Variants in REXO1 observed in about 807,000 individuals in gnomAD.
REXO1 encodes the protein RNA exonuclease 1 homolog, also known as REX1, RNA exonuclease 1 homolog.
Under a neutral mutation model 102.6 loss-of-function variants are expected in REXO1, and 42 were observed. The observed-to-expected ratio is 0.41, with a 90% confidence interval of 0.32 to 0.53. The LOEUF is 0.53. Among genes scored for constraint, REXO1 ranks in the 20% least tolerant of loss-of-function variants. The probability of loss-of-function intolerance (pLI) is 0.27; values close to 1 mark genes in which losing one functional copy is unlikely to be tolerated. For missense variants in REXO1, 1,819 were observed against 1,732.5 expected (o/e 1.05, Z -0.89); for synonymous variants, 908 against 779.1 (o/e 1.17, Z -2.76).
chr19:1,820,217 C>T (rs1431633820), intron 6 of REXO1, 47 bp downstream of exon 6: 1 of 1,589,790 alleles, frequency 6.3e-7, no homozygotes, highest in African/African-American at 1.4e-5. Flanking sequence ...CCACCCTGGA[C>T]CCCTAGTCCC....
rs2069777575 is a variant in REXO1, at chr19:1,827,662, G to A, written c.1127C>T (p.Pro376Leu). ...QDGGCPKEGK[P>L]KKKKTGAPPA... ...TGGGGCCCCGGTTTTTTTCTTCTTG[G>A]GTTTTCCCTCCTTGGGGCAGCCCCC... The change falls in exon 2 of 16, where the codon CCC becomes CTC. Residue 376 changes from proline (P) to leucine (L), a missense_variant. Pro to Leu is a moderately conservative substitution (Grantham distance 98, BLOSUM62 -3). Coordinates refer to ENST00000170168, the MANE Select transcript of REXO1 (RefSeq NM_020695.4). The A allele has an allele frequency of 3.2e-6, 5 of 1,567,998 alleles. No homozygotes were observed. The Admixed American group carries it at 8.5e-5, about 27-fold the overall frequency.
In REXO1 at chr19:1,818,791, G is replaced by C; in HGVS notation, c.2817C>G (p.Leu939=). 6.2e-7 allele frequency: 1 copy of C among 1,609,874 alleles called. No homozygotes were observed. The highest frequency in any genetic ancestry group is 8.5e-7 in the Non-Finnish European group (1 of 1,179,886). ...GCGGGAAGGGGTAGCCGTTCTCCTT[G>C]AGCTGGTCCTGGGTGAGCAGGTACT... ...LREYLLTQDQ[L]KENGYPFPHP... is the part of the protein sequence containing the mutation. Residue 939 remains leucine (L), a synonymous_variant, in exon 9 of 16, where the codon CTC becomes CTG. Transcript: ENST00000170168.
chr19:1,842,598 C>T (rs1033924510), intron 1 of REXO1, among the ~76,000 whole-genome samples: 2 of 152,250 alleles, frequency 1.3e-5, no homozygotes, highest in Non-Finnish European at 2.9e-5. Flanking sequence ...GCTGCCCAGG[C>T]GCTCCGGAAG....
chr19:1,833,628 C>A (rs148646997), intron 1 of REXO1, among the ~76,000 whole-genome samples: 1 of 152,150 alleles, frequency 6.6e-6, no homozygotes, highest in Admixed American at 6.5e-5. Context: ...GGGAGGGCTG[C>A]GGAGGCCAGC....
At chr19:1,829,965 T>TC (rs924912833) in intron 1 of REXO1, among the ~76,000 whole-genome samples, 1 of 152,136 alleles carries the variant, frequency 6.6e-6, no homozygotes, top group African/African-American at 2.4e-5. Flanking sequence ...TGAAATGTCT[T>TC]CCCGGGGGGC....
In REXO1 at chr19:1,818,726, T is replaced by C. The variant is rs760362854; in HGVS notation, c.2882A>G (p.Glu961Gly). 1 of 1,611,142 alleles carries C rather than the reference T, an allele frequency of 6.2e-7. No individual in the cohort carries two copies. Among genetic ancestry groups the C allele is most frequent in the Non-Finnish European group, 8.5e-7 (1 of 1,179,878 alleles). Residue 961 changes from glutamate (E) to glycine (G), a missense_variant, in exon 9 of 16, where the codon GAG becomes GGG. Physicochemically the swap from Glu to Gly is moderately conservative, Grantham distance 98. Coordinates refer to ENST00000170168, the MANE Select transcript of REXO1 (RefSeq NM_020695.4). ...CTCACAGTCCTTGGGCCTCTTCTCC[T>C]CAGCTGTGAAGATGATTGCGCCCCC... ...RPGGAIIFTA[E>G]EKRPKDSSCR...
At chr19:1,821,761 C>T (rs747189987) in intron 4 of REXO1, 79 bp from the exon 5 acceptor site, 31 of 1,361,136 alleles carry the variant, frequency 2.3e-5, no homozygotes, top group South Asian at 1.3e-4. Context: ...CAGCCGCGGC[C>T]GCTCAGCGCC....
At chr19:1,816,960 G>A (rs2069384770) in intron 12 of REXO1, 147 bp from the exon 13 acceptor site, 4 of 725,704 alleles carry the variant, frequency 5.5e-6, no homozygotes, top group Admixed American at 2.5e-5. Context: ...CGAGTGGGGT[G>A]TGACCTCAGT....
Position 1,823,583 on chromosome 19 carries a change from CG to C in REXO1, c.2218del (p.Arg740AlafsTer31). The C allele has an allele frequency of 3.0e-6, 4 of 1,313,056 alleles. No individual in the cohort carries two copies. The highest frequency in any genetic ancestry group is 2.4e-5 in the South Asian group (1 of 40,990). 81.3% of individuals were successfully genotyped at this position (1,313,056 alleles called of 1,614,324 possible). A position where few individuals can be genotyped will look rare whatever the true frequency, so the allele number is the denominator to read the frequency against. On this transcript the variant is annotated frameshift_variant, in exon 4 of 16. Transcript: ENST00000170168. LOFTEE classifies it high-confidence loss of function. ...KRRIAHIPNP[R>X]LAAAPTGAKR... Reference sequence around the variant, plus strand: ...GGGCCAGGACTCACCTGCAGCCAGGCGGGGGTTGGGGATGTGGGCGATCCTC... The same window carrying C: ...GGGCCAGGACTCACCTGCAGCCAGGCGGGGTTGGGGATGTGGGCGATCCTC...
At chr19:1,823,445 G>C (rs1171107945) in intron 4 of REXO1, 127 bp downstream of exon 4, 1 of 605,388 alleles carries the variant, frequency 1.7e-6, no homozygotes, top group African/African-American at 1.9e-5. Flanking sequence ...GCCCCAGGGA[G>C]GGGGCCCAAA....
At chr19:1,837,835 G>C (rs2070085243) in intron 1 of REXO1, among the ~76,000 whole-genome samples, 1 of 152,232 alleles carries the variant, frequency 6.6e-6, no homozygotes, top group Non-Finnish European at 1.5e-5. Context: ...AAAAGAAAAA[G>C]GTCCCGGCCT....
rs1236044985 is a variant in REXO1, at chr19:1,815,969, G to A, written c.*97C>T. 5 of 1,535,532 alleles carry A rather than the reference G, an allele frequency of 3.3e-6. No individual in the cohort carries two copies. The highest frequency in any genetic ancestry group is 1.2e-5 in the South Asian group (1 of 84,022). ...CTGCTCTGGGCTGCCTCGGCCAGGTGGACGGGTTACCGGAGATTTATTGCA... is the reference window on the plus strand; with the variant it reads ...CTGCTCTGGGCTGCCTCGGCCAGGTAGACGGGTTACCGGAGATTTATTGCA... On this transcript the variant is annotated 3_prime_UTR_variant, in exon 16 of 16. Transcript: ENST00000170168. This position sits in a 1 kb window ranked among gnomAD's most constrained non-coding sequence, Gnocchi z 4.0.
At chr19:1,821,229 C>T (rs571500523) in intron 5 of REXO1, among the ~76,000 whole-genome samples, 1 of 151,992 alleles carries the variant, frequency 6.6e-6, no homozygotes, top group South Asian at 2.1e-4. Flanking sequence ...CCTGTAGTCC[C>T]AGCTACTCAG....
chr19:1,845,020 C>T (rs180846454), intron 1 of REXO1, among the ~76,000 whole-genome samples: 1 of 152,290 alleles, frequency 6.6e-6, no homozygotes, highest in Non-Finnish European at 1.5e-5. Flanking sequence ...AAGACAGTGT[C>T]CTGCCTCTCA....
chr19:1,833,321 C>T (rs1046946483), intron 1 of REXO1, among the ~76,000 whole-genome samples: 17 of 152,206 alleles, frequency 1.1e-4, no homozygotes, highest in Non-Finnish European at 2.5e-4. Flanking sequence ...TGGAGGGCCA[C>T]GAGGTACGGG....
chr19:1,818,874 C>A, intron 8 of REXO1, 31 bp from the exon 9 acceptor site: 1 of 1,606,210 alleles, frequency 6.2e-7, no homozygotes, highest in Non-Finnish European at 8.5e-7. Context: ...CAGCCCCTGC[C>A]TGGGATGGCC....
Position 1,828,591 on chromosome 19 carries a change from G to C in REXO1, c.198C>G (p.Pro66=). The C allele has an allele frequency of 1.2e-6, 2 of 1,603,212 alleles. No individual in the cohort carries two copies. The highest frequency in any genetic ancestry group is 1.7e-6 in the Non-Finnish European group (2 of 1,179,782). Residue 66 remains proline (P), a synonymous_variant, in exon 2 of 16, where the codon CCC becomes CCG. Transcript: ENST00000170168. The part of the protein sequence containing the change: ...YDPYNPELPK[P]PAQRENGTLG... ...GGGTGCCATTCTCCCTCTGCGCGGG[G>C]GGCTTGGGCAGCTCAGGGTTGTAGG...
At chr19:1,848,096 T>G in intron 1 of REXO1, 106 bp downstream of exon 1, 1 of 517,666 alleles carries the variant, frequency 1.9e-6, no homozygotes, top group South Asian at 1.0e-4. Flanking sequence ...CGCGAACGTG[T>G]GGGGAGGAGG....
In REXO1 at chr19:1,823,552, C is replaced by G; in HGVS notation, c.2230+20G>C. The G allele has an allele frequency of 2.3e-6, 3 of 1,290,144 alleles. No individual in the cohort carries two copies. Among genetic ancestry groups the G allele is most frequent in the Non-Finnish European group, 2.0e-6 (2 of 1,010,252 alleles). The allele number at this position is 1,290,144 out of a possible 1,614,324, so 79.9% of individuals were successfully genotyped here. ...CATGCCCACGGCCCCCCGGCACAGG[C>G]CCCCTGGGCCAGGACTCACCTGCAG... On this transcript the variant is annotated intron_variant, in intron 4 of 15. Coordinates refer to ENST00000170168, the MANE Select transcript of REXO1 (RefSeq NM_020695.4).
Sources: allele counts gnomAD v4.1 joint callset (sites outside exome capture counted in the v4.1 genomes callset), GRCh38; gene constraint gnomAD v4.1.1; non-coding constraint Gnocchi (gnomAD v3.1); transcripts MANE v1.5; gene names NCBI Gene and HGNC (gene_info 2026-07-23, HGNC 2026-07-21).